Variants in CAMK1D observed in about 807,000 individuals in gnomAD.
CAMK1D encodes the protein calcium/calmodulin-dependent protein kinase type 1D.
A neutral mutation model predicts 47.7 loss-of-function variants in CAMK1D; 9 were observed. That is an observed-to-expected ratio of 0.19 (90% CI 0.11 to 0.33). The LOEUF (loss-of-function observed/expected upper bound fraction) is 0.33. Ranked by LOEUF, CAMK1D falls within the 10% of genes least tolerant of loss-of-function variation. The pLI is 1.00. For missense variants in CAMK1D, 291 were observed against 488.7 expected, an observed-to-expected ratio of 0.60 and a Z score of 3.81; for synonymous variants, 184 against 184.9, an observed-to-expected ratio of 0.99 and a Z score of 0.04.
chr10:12,591,548 T>G (rs939909073), intron 2 of CAMK1D, among the ~76,000 whole-genome samples: 6 of 152,260 alleles, frequency 3.9e-5, no homozygotes, highest in Admixed American at 3.9e-4. Flanking sequence ...AAGCTCTGAA[T>G]AAATAGCTTC....
chr10:12,504,175 A>G (rs536636047), intron 1 of CAMK1D, among the ~76,000 whole-genome samples: 1 of 151,414 alleles, frequency 6.6e-6, no homozygotes, highest in Non-Finnish European at 1.5e-5. Context: ...ATTCTCAAAA[A>G]GTAGATCAGA....
At chr10:12,807,352 G>C (rs990695423) in intron 6 of CAMK1D, among the ~76,000 whole-genome samples, 1 of 152,170 alleles carries the variant, frequency 6.6e-6, no homozygotes, top group Non-Finnish European at 1.5e-5. Flanking sequence ...GGCCACAAGC[G>C]TGGGTTCCTC....
At chr10:12,466,782 A>G (rs1833604288) in intron 1 of CAMK1D, among the ~76,000 whole-genome samples, 1 of 152,016 alleles carries the variant, frequency 6.6e-6, no homozygotes, top group Non-Finnish European at 1.5e-5. Context: ...TGTCTTGGGA[A>G]CGTTTTTTAT....
intron 3 of CAMK1D, among the ~76,000 whole-genome samples, chr10:12,754,141 T>A (rs1483424287): frequency 6.6e-6 from 1 of 152,138 alleles, no homozygotes; most frequent in Non-Finnish European, 1.5e-5. Flanking sequence ...TTCACCCACC[T>A]CAGCTGCCCA....
intron 2 of CAMK1D, among the ~76,000 whole-genome samples, chr10:12,623,573 T>C (rs1839113795): frequency 6.7e-6 from 1 of 148,444 alleles, no homozygotes; most frequent in Non-Finnish European, 1.5e-5. Flanking sequence ...CCACAAAAAC[T>C]TTTGTCATGG....
chr10:12,565,397 G>A (rs1247315217), intron 2 of CAMK1D, among the ~76,000 whole-genome samples: 1 of 152,138 alleles, frequency 6.6e-6, no homozygotes, highest in East Asian at 1.9e-4. Flanking sequence ...GGGTTTACAG[G>A]TGCCTGCCAC....
At chr10:12,697,745 T>G (rs751018659) in intron 3 of CAMK1D, among the ~76,000 whole-genome samples, 6 of 152,152 alleles carry the variant, frequency 3.9e-5, no homozygotes, top group Non-Finnish European at 8.8e-5. Context: ...GGAAGACCCT[T>G]GACACGGGTA....
At chr10:12,388,478 C>T (rs1838602141) in intron 1 of CAMK1D, among the ~76,000 whole-genome samples, 2 of 152,172 alleles carry the variant, frequency 1.3e-5, no homozygotes, top group East Asian at 1.9e-4. Flanking sequence ...AACTGGTTTA[C>T]AGCAGAGAAA....
At chr10:12,566,750 C>T (rs1837138015) in intron 2 of CAMK1D, among the ~76,000 whole-genome samples, 1 of 152,178 alleles carries the variant, frequency 6.6e-6, no homozygotes, top group African/African-American at 2.4e-5. Flanking sequence ...GTAACTCTTC[C>T]TCATCTTGCA....
At chr10:12,594,848 A>G (rs1588671584) in intron 2 of CAMK1D, among the ~76,000 whole-genome samples, 1 of 152,206 alleles carries the variant, frequency 6.6e-6, no homozygotes, top group African/African-American at 2.4e-5. Flanking sequence ...TGGTTGACGT[A>G]GGTGGGGCAG....
chr10:12,423,918 C>T (rs369149263), intron 1 of CAMK1D, among the ~76,000 whole-genome samples: 28 of 152,290 alleles, frequency 1.8e-4, no homozygotes, highest in South Asian at 1.0e-3. Context: ...TGCTCTTCAG[C>T]GGGGTCCTGT....
At chr10:12,767,208 ACT>A (rs780862898) in intron 4 of CAMK1D, among the ~76,000 whole-genome samples, 4 of 151,762 alleles carry the variant, frequency 2.6e-5, no homozygotes, top group Non-Finnish European at 5.9e-5. Context: ...ACAGAGTTTC[ACT>A]CTTTTTGCCC....
intron 1 of CAMK1D, among the ~76,000 whole-genome samples, chr10:12,378,273 G>T (rs753480216): frequency 2.0e-5 from 3 of 152,090 alleles, no homozygotes; most frequent in African/African-American, 2.4e-5. Context: ...TAGATACAGC[G>T]TCTCACTCCA....
intron 1 of CAMK1D, among the ~76,000 whole-genome samples, chr10:12,416,939 C>T (rs576847182): frequency 2.0e-5 from 3 of 152,202 alleles, no homozygotes; most frequent in Admixed American, 6.5e-5. Context: ...ATGCTGTAGA[C>T]GGCTGAGACC....
intron 3 of CAMK1D, among the ~76,000 whole-genome samples, chr10:12,678,685 C>T (rs4747996): frequency 0.28 from 42,464 of 152,094 alleles, 6,515 homozygotes; most frequent in South Asian, 0.39. Context: ...ATATTTGTTA[C>T]GTCTACTTGG....
chr10:12,406,043 G>A (rs1042938945), intron 1 of CAMK1D, among the ~76,000 whole-genome samples: 7 of 152,188 alleles, frequency 4.6e-5, no homozygotes, highest in South Asian at 4.1e-4. Context: ...TTCTTGTCGC[G>A]TGTAGGATTG....
intron 2 of CAMK1D, among the ~76,000 whole-genome samples, chr10:12,647,120 C>T (rs77448347): frequency 7.1e-6 from 1 of 140,610 alleles, no homozygotes. Context: ...GGATTATAGA[C>T]GTGAGCCTCC....
chr10:12,571,594 A>G (rs958017082), intron 2 of CAMK1D, among the ~76,000 whole-genome samples: 2 of 152,164 alleles, frequency 1.3e-5, no homozygotes, highest in African/African-American at 4.8e-5. Flanking sequence ...GCACTGGTGT[A>G]GGAATCCTTG....
At chr10:12,736,552 A>G (rs1166150021) in intron 3 of CAMK1D, among the ~76,000 whole-genome samples, 3 of 152,264 alleles carry the variant, frequency 2.0e-5, no homozygotes, top group Non-Finnish European at 4.4e-5. Flanking sequence ...GTGTTTTACA[A>G]TTTTGGAAAA....
Sources: allele counts gnomAD v4.1 joint callset (sites outside exome capture counted in the v4.1 genomes callset), GRCh38; gene constraint gnomAD v4.1.1; transcripts MANE v1.5; gene names NCBI Gene and HGNC (gene_info 2026-07-23, HGNC 2026-07-21).